The following RIMS1 variants were observed in gnomAD, a reference collection of about 807,000 sequenced individuals.
The protein encoded by RIMS1 is regulating synaptic membrane exocytosis 1.
Under a neutral mutation model 214.1 loss-of-function variants are expected in RIMS1, and 83 were observed. That is an observed-to-expected ratio of 0.39 (90% CI 0.32 to 0.47). The LOEUF is 0.47. Among genes scored for constraint, RIMS1 ranks in the 20% least tolerant of loss-of-function variants. RIMS1 has a pLI of 0.99. For missense variants in RIMS1, 2,050 were observed against 2,161.8 expected, an observed-to-expected ratio of 0.95 and a Z score of 1.03; for synonymous variants, 793 against 786.8, an observed-to-expected ratio of 1.01 and a Z score of -0.13.
intron 4 of RIMS1, among the ~76,000 whole-genome samples, chr6:72,170,710 T>C (rs1172936642): frequency 6.6e-6 from 1 of 152,184 alleles, no homozygotes; most frequent in Non-Finnish European, 1.5e-5. Context: ...GTCTATTTTT[T>C]TCAGTGCTGC....
At chr6:72,053,407 C>A (rs182044809) in intron 2 of RIMS1, among the ~76,000 whole-genome samples, 41 of 152,248 alleles carry the variant, frequency 2.7e-4, no homozygotes, top group African/African-American at 9.4e-4. Context: ...GGAGAAATAC[C>A]TTACTCTTTA....
At chr6:72,331,722 C>G (rs916347774) in intron 28 of RIMS1, among the ~76,000 whole-genome samples, 4 of 151,798 alleles carry the variant, frequency 2.6e-5, no homozygotes, top group Non-Finnish European at 5.9e-5. Flanking sequence ...ATAATACTCT[C>G]ATTTGTGTCT....
intron 21 of RIMS1, 53 bp downstream of exon 21, chr6:72,265,556 C>A: frequency 9.2e-7 from 1 of 1,081,928 alleles, no homozygotes; most frequent in Non-Finnish European, 1.4e-6. Flanking sequence ...TTGTTGTGAA[C>A]CAAAAAAGTT....
intron 2 of RIMS1, among the ~76,000 whole-genome samples, chr6:71,990,327 C>T (rs1801215870): frequency 6.6e-6 from 1 of 152,126 alleles, no homozygotes. Context: ...TGAGGCTTCA[C>T]TCACTACAGG....
intron 2 of RIMS1, among the ~76,000 whole-genome samples, chr6:72,065,646 G>T (rs995364258): frequency 1.2e-4 from 19 of 152,028 alleles, no homozygotes; most frequent in African/African-American, 4.3e-4. Flanking sequence ...TTTATCAAAG[G>T]TTTTGCCTTT....
rs1216032320 is a variant in RIMS1 at position 72,163,380 on chromosome 6, C to G, written c.472-16195C>G. On this transcript the variant is annotated intron_variant, in intron 4 of 33. Coordinates refer to ENST00000521978, the MANE Select transcript of RIMS1 (RefSeq NM_014989.7). The stretch of plus-strand genomic sequence containing the variant: ...TTGATCATCTGAAGCCTTCTTCTCT[C>G]GACTCATCAAAGTCATTCTCCATCC... Among the ~76,000 whole-genome samples, 5 of 140,836 alleles carry G rather than the reference C, an allele frequency of 3.6e-5. 2 individuals carry two copies. The highest frequency in any genetic ancestry group is 8.1e-5 in the Non-Finnish European group (5 of 61,926). The allele number at this position is 140,836 out of a possible 152,430, so 92.4% of individuals were successfully genotyped here. A position where few individuals can be genotyped will look rare whatever the true frequency, so the allele number is the denominator to read the frequency against.
chr6:72,105,982 T>C (rs2034657655), intron 4 of RIMS1, among the ~76,000 whole-genome samples: 1 of 152,220 alleles, frequency 6.6e-6, no homozygotes, highest in African/African-American at 2.4e-5. Flanking sequence ...TTGCAGTTAC[T>C]TTAAAAACTT....
intron 15 of RIMS1, among the ~76,000 whole-genome samples, chr6:72,251,671 G>A (rs2154137147): frequency 6.6e-6 from 1 of 152,214 alleles, no homozygotes; most frequent in African/African-American, 2.4e-5. Context: ...TCACTGGTGA[G>A]TTGCCACCTG....
intron 28 of RIMS1, among the ~76,000 whole-genome samples, chr6:72,315,750 A>T (rs1271288310): frequency 1.3e-5 from 2 of 152,092 alleles, no homozygotes; most frequent in Non-Finnish European, 2.9e-5. Flanking sequence ...TTCCCTCGTC[A>T]ATCCTGTGGT....
In RIMS1 at chr6:72,097,155, C is replaced by T; in HGVS notation, c.452C>T (p.Ser151Leu). The T allele has an allele frequency of 6.2e-7, 1 of 1,613,556 alleles. No homozygotes were observed. Residue 151 changes from serine (S) to leucine (L), a missense_variant, in exon 3 of 34, where the codon TCA (serine) becomes TTA (leucine). By Grantham distance (145) the Ser-to-Leu change is moderately radical. Coordinates refer to ENST00000521978, the MANE Select transcript of RIMS1 (RefSeq NM_014989.7). The part of the protein sequence containing the change: ...ARCGGRVSLR[S>L]NNEDKVVMWV... ...TGCGGAGGCCGCGTGTCTCTACGGT[C>T]AAACAACGTGAGTATTCCATGAACA...
chr6:71,898,674 T>C (rs777380333), intron 1 of RIMS1, among the ~76,000 whole-genome samples: 28 of 152,144 alleles, frequency 1.8e-4, no homozygotes, highest in Admixed American at 6.6e-4. Context: ...TTTCTGAACA[T>C]AGTGCTCCAG....
chr6:71,937,812 CAT>C (rs1361483668), intron 1 of RIMS1, among the ~76,000 whole-genome samples: 1 of 152,130 alleles, frequency 6.6e-6, no homozygotes, highest in Non-Finnish European at 1.5e-5. Context: ...ACAGTTAAAT[CAT>C]AGAATTCTAC....
intron 2 of RIMS1, among the ~76,000 whole-genome samples, chr6:72,090,883 C>T (rs143015144): frequency 5.8e-4 from 88 of 152,302 alleles, no homozygotes; most frequent in Non-Finnish European, 1.1e-3. Flanking sequence ...GGACAACCCC[C>T]GTGTTTTTTG....
chr6:72,261,082 C>G (rs1477013282), intron 19 of RIMS1: 3 of 1,202,388 alleles, frequency 2.5e-6, no homozygotes, highest in Non-Finnish European at 3.1e-6. Context: ...CTGTGAGTGC[C>G]CCCAACTTTC....
intron 22 of RIMS1, among the ~76,000 whole-genome samples, chr6:72,269,339 C>T (rs202069951): frequency 6.6e-6 from 1 of 152,114 alleles, no homozygotes; most frequent in African/African-American, 2.4e-5. Context: ...TGTCTTACTC[C>T]GCTGTCCTAT....
At chr6:71,936,342 A>G (rs891530603) in intron 1 of RIMS1, among the ~76,000 whole-genome samples, 2 of 146,916 alleles carry the variant, frequency 1.4e-5, no homozygotes, top group African/African-American at 5.3e-5. Flanking sequence ...AAAAAAAAAA[A>G]AAAAAAAAAA....
intron 2 of RIMS1, among the ~76,000 whole-genome samples, chr6:72,036,804 C>T (rs6901323): frequency 1.3e-5 from 2 of 152,060 alleles, no homozygotes; most frequent in African/African-American, 4.8e-5. Context: ...AAGTGCAGAG[C>T]TGTTAAAGTT....
intron 2 of RIMS1, among the ~76,000 whole-genome samples, chr6:72,064,268 A>C: frequency 6.6e-6 from 1 of 152,060 alleles, no homozygotes; most frequent in East Asian, 1.9e-4. Flanking sequence ...CAGTGAGCTG[A>C]GATCGTGCCA....
chr6:72,286,018 A>G (rs2092186654), intron 24 of RIMS1, among the ~76,000 whole-genome samples: 1 of 152,036 alleles, frequency 6.6e-6, no homozygotes, highest in Non-Finnish European at 1.5e-5. Flanking sequence ...ACCAACATGG[A>G]GAAACCCCAT....
Sources: allele counts gnomAD v4.1 joint callset (sites outside exome capture counted in the v4.1 genomes callset), GRCh38; gene constraint gnomAD v4.1.1; transcripts MANE v1.5; gene names NCBI Gene and HGNC (gene_info 2026-07-23, HGNC 2026-07-21).